The following FANCB variants were observed in gnomAD, a reference collection of about 807,000 sequenced individuals.
FANCB encodes the protein Fanconi anemia group B protein.
In FANCB, 5 loss-of-function variants were observed where a neutral mutation model predicts 38.9. The observed-to-expected ratio is 0.13, with a 90% CI of 0.07 to 0.27. FANCB has a LOEUF of 0.27. Ranked by LOEUF, FANCB falls within the 10% of genes least tolerant of loss-of-function variation. FANCB has a pLI of 1.00. For missense variants in FANCB, 573 were observed against 602.7 expected (o/e 0.95, Z 0.52); for synonymous variants, 236 against 215.4 (o/e 1.10, Z -0.84).
the FANCB span, chrX:14,730,529 CTTGTAAATA>C: frequency 1.2e-6 from 1 of 826,079 alleles, no homozygotes; most frequent in Non-Finnish European, 1.7e-6. Flanking sequence ...CAGTGTTGTG[CTTGTAAATA>C]CACAGTGAAA....
chrX:14,853,647 T>C (rs1006872678), intron 5 of FANCB, among the ~76,000 whole-genome samples: 7 of 112,364 alleles, frequency 6.2e-5, no homozygotes, highest in Non-Finnish European at 1.3e-4. Context: ...GTAACCTTCA[T>C]AGCAAAATTT....
chrX:14,773,608 G>T, the FANCB span, among the ~76,000 whole-genome samples: 1 of 111,896 alleles, frequency 8.9e-6, no homozygotes, highest in Non-Finnish European at 1.9e-5. Flanking sequence ...CTAAACAAAG[G>T]CATGGAGGAG....
chrX:14,859,056 T>C, intron 4 of FANCB, 126 bp downstream of exon 4: 1 of 440,090 alleles, frequency 2.3e-6, no homozygotes, highest in Non-Finnish European at 4.0e-6. Context: ...TCAATCTATA[T>C]ATTTTTAAAG....
chrX:14,693,381 G>T, the FANCB span, among the ~76,000 whole-genome samples: 4 of 111,555 alleles, frequency 3.6e-5, no homozygotes, highest in African/African-American at 1.3e-4. Context: ...TAGAAATAGA[G>T]ATATTTCATA....
chrX:14,704,709 T>A, the FANCB span, among the ~76,000 whole-genome samples: 25 of 112,016 alleles, frequency 2.2e-4, no homozygotes, highest in Non-Finnish European at 2.1e-4. Flanking sequence ...AAACGACCCC[T>A]GCCTTCTTAG....
the FANCB span, among the ~76,000 whole-genome samples, chrX:14,695,451 G>T: frequency 8.9e-6 from 1 of 112,253 alleles, no homozygotes; most frequent in Non-Finnish European, 1.9e-5. Context: ...TTAAGAAGGT[G>T]AGAAAAAATA....
the FANCB span, among the ~76,000 whole-genome samples, chrX:14,697,672 TA>T: frequency 1.8e-5 from 2 of 110,859 alleles, no homozygotes; most frequent in Admixed American, 9.6e-5. Flanking sequence ...TCACTTGGGA[TA>T]CCAGCCTTGT....
the FANCB span, among the ~76,000 whole-genome samples, chrX:14,767,604 A>T: frequency 9.0e-6 from 1 of 110,528 alleles, no homozygotes; most frequent in Non-Finnish European, 1.9e-5. Flanking sequence ...AGATGGAGAG[A>T]TTGCAAAAAT....
the FANCB span, among the ~76,000 whole-genome samples, chrX:14,755,266 C>G: frequency 8.2e-4 from 92 of 111,672 alleles, no homozygotes; most frequent in Non-Finnish European, 1.2e-3. Flanking sequence ...ATTTTCACCA[C>G]TTCCAATCAA....
chrX:14,866,520 G>A (rs1207775663), intron 2 of FANCB, among the ~76,000 whole-genome samples: 1 of 111,186 alleles, frequency 9.0e-6, no homozygotes, highest in Non-Finnish European at 1.9e-5. Context: ...TTGGAAAAGG[G>A]GCCTTCTGAC....
At chrX:14,813,864 C>A in the FANCB span, among the ~76,000 whole-genome samples, 1 of 111,503 alleles carries the variant, frequency 9.0e-6, no homozygotes, top group Admixed American at 9.5e-5. Context: ...GCCTGCATTG[C>A]CAAGACAATC....
the FANCB span, among the ~76,000 whole-genome samples, chrX:14,761,442 A>AG: frequency 9.0e-6 from 1 of 111,409 alleles, no homozygotes; most frequent in East Asian, 2.8e-4. Context: ...TAATTAAGGC[A>AG]GGGGGGTAGA....
At chrX:14,810,208 G>T in the FANCB span, among the ~76,000 whole-genome samples, 2 of 111,706 alleles carry the variant, frequency 1.8e-5, no homozygotes, top group South Asian at 3.7e-4. Flanking sequence ...AAACCACAAA[G>T]ATGGGGAAAA....
chrX:14,772,660 C>A, the FANCB span, among the ~76,000 whole-genome samples: 1 of 111,609 alleles, frequency 9.0e-6, no homozygotes, highest in African/African-American at 3.3e-5. Context: ...CAGTCCCCTT[C>A]CTAGTGATAT....
chrX:14,861,805 C>A lies in FANCB; in HGVS notation c.952-2471G>T, dbSNP rs766612634. ...TTTTTGGCATAATTATTTCTACTCC[C>A]ACTTTATTTCTAGATTCTTAGCTCT... On this transcript the variant is annotated intron_variant, in intron 3 of 9. Transcript: ENST00000650831. 4.5e-5 allele frequency among the ~76,000 whole-genome samples: 5 copies of A among 112,127 alleles called. No individual in the cohort carries two copies. The South Asian group carries it at 1.8e-3, about 41-fold the overall frequency.
At chrX:14,813,981 T>G in the FANCB span, among the ~76,000 whole-genome samples, 24 of 111,407 alleles carry the variant, frequency 2.2e-4, no homozygotes, top group African/African-American at 4.9e-4. Flanking sequence ...AACAGAGATA[T>G]AGACCAATGG....
chrX:14,845,042 C>G lies in FANCB; in HGVS notation c.1741G>C (p.Val581Leu). 1 of 1,208,921 alleles carries G rather than the reference C, an allele frequency of 8.3e-7. No homozygotes were observed. Among genetic ancestry groups the G allele is most frequent in the South Asian group, 1.8e-5 (1 of 56,901 alleles). The change falls in exon 8 of 10, where the codon GTA becomes CTA. Residue 581 changes from valine (V) to leucine (L), a missense_variant. Transcript: ENST00000650831. ...KKECVQIITA[V>L]TSLSPLLTFS... Reference sequence around the variant, plus strand: ...GTTAAAAGTGGTGAAAGAGATGTTACAGCAGTAATTATCTGTACACACTCT... The same window carrying G: ...GTTAAAAGTGGTGAAAGAGATGTTAGAGCAGTAATTATCTGTACACACTCT...
the FANCB span, among the ~76,000 whole-genome samples, chrX:14,756,597 C>T: frequency 9.0e-6 from 1 of 111,654 alleles, no homozygotes; most frequent in Non-Finnish European, 1.9e-5. Flanking sequence ...CAATATGAAC[C>T]TGTGATCAAT....
chrX:14,754,254 T>C, the FANCB span, among the ~76,000 whole-genome samples: 6 of 112,444 alleles, frequency 5.3e-5, no homozygotes, highest in Non-Finnish European at 9.4e-5. Flanking sequence ...TAGGGGAGAC[T>C]ATTATGAACT....
Sources: gnomAD v4.1 joint callset for allele counts (sites outside exome capture counted in the v4.1 genomes callset) on GRCh38, gnomAD v4.1.1 for gene constraint, MANE v1.5 for transcripts, NCBI Gene and HGNC (gene_info 2026-07-23, HGNC 2026-07-21) for gene names.